The following MAN1C1 variants were observed in gnomAD, a reference collection of about 807,000 sequenced individuals.
The protein encoded by MAN1C1 is mannosyl-oligosaccharide 1,2-alpha-mannosidase IC.
MAN1C1 carries 49 observed loss-of-function variants against 71.5 expected under a neutral mutation model. That is an observed-to-expected ratio of 0.69 (90% CI 0.54 to 0.87). The LOEUF is 0.87. Ranked by LOEUF, MAN1C1 falls within the 40% of genes least tolerant of loss-of-function variation. The pLI is 0.00. For synonymous variants in MAN1C1, 352 were observed against 343.7 expected (o/e 1.02, Z -0.27); for missense variants, 743 against 835.0 (o/e 0.89, Z 1.36).
chr1:25,754,119 G>T (rs1193742205), intron 5 of MAN1C1, among the ~76,000 whole-genome samples: 1 of 152,118 alleles, frequency 6.6e-6, no homozygotes, highest in African/African-American at 2.4e-5. Flanking sequence ...CTGTCCCTGT[G>T]CTTCATGGAG....
At chr1:25,624,027 T>C (rs1180054748) in intron 1 of MAN1C1, among the ~76,000 whole-genome samples, 1 of 152,236 alleles carries the variant, frequency 6.6e-6, no homozygotes, top group East Asian at 1.9e-4. Flanking sequence ...CAATAAGCCC[T>C]GGTTCTTGAT....
chr1:25,712,952 T>G (rs954604375), intron 2 of MAN1C1, among the ~76,000 whole-genome samples: 13 of 152,244 alleles, frequency 8.5e-5, no homozygotes, highest in African/African-American at 3.1e-4. Flanking sequence ...GATATTGACT[T>G]GGGATTAAAC....
chr1:25,773,294 G>A (rs1166386529), intron 8 of MAN1C1, among the ~76,000 whole-genome samples: 1 of 152,180 alleles, frequency 6.6e-6, no homozygotes, highest in African/African-American at 2.4e-5. Context: ...GGTGTGGGCA[G>A]TTGGATGGAT....
In MAN1C1 at chr1:25,745,488, G is replaced by A. The variant is rs1263524239; in HGVS notation, c.638-1180G>A. On this transcript the variant is annotated intron_variant, in intron 2 of 11. Coordinates refer to ENST00000374332, the MANE Select transcript of MAN1C1 (RefSeq NM_020379.4). Reference sequence around the variant, plus strand: ...ACACTTACACTTTGATGTACAATAAGAATTATACTGTGTTTTTTTCTTATT... The same window carrying A: ...ACACTTACACTTTGATGTACAATAAAAATTATACTGTGTTTTTTTCTTATT... Among the ~76,000 whole-genome samples the A allele has an allele frequency of 2.6e-5, 4 of 151,996 alleles. No individual in the cohort carries two copies. In the East Asian group the frequency reaches 7.7e-4, roughly 29 times the overall value.
Position 25,618,014 on chromosome 1 carries a change from G to T in MAN1C1, c.217G>T (p.Ala73Ser). The change falls in exon 1 of 12, where the codon GCC becomes TCC. Residue 73 changes from alanine (A) to serine (S), a missense_variant. Ala to Ser is a moderately conservative substitution (Grantham distance 99). Coordinates refer to ENST00000374332, the MANE Select transcript of MAN1C1 (RefSeq NM_020379.4). Reference protein sequence around the residue: ...LEVVAEIAGHAPAREQEPPPN... With the variant: ...LEVVAEIAGHSPAREQEPPPN... ...AGTGGTGGCTGAAATCGCCGGCCAT[G>T]CCCCGGCCCGCGAGCAGGAGCCGCC... The T allele has an allele frequency of 1.2e-6, 2 of 1,600,284 alleles. No individual in the cohort carries two copies. Among genetic ancestry groups the T allele is most frequent in the Non-Finnish European group, 1.7e-6 (2 of 1,175,384 alleles).
At chr1:25,721,227 T>C (rs2046761626) in intron 2 of MAN1C1, among the ~76,000 whole-genome samples, 1 of 152,170 alleles carries the variant, frequency 6.6e-6, no homozygotes, top group South Asian at 2.1e-4. Flanking sequence ...CTTCAAGCAA[T>C]CCTTCATTCT....
intron 2 of MAN1C1, among the ~76,000 whole-genome samples, chr1:25,703,068 C>T (rs1480228570): frequency 1.3e-5 from 2 of 152,226 alleles, no homozygotes; most frequent in Non-Finnish European, 2.9e-5. Context: ...GGAGCTGGCC[C>T]AGGGATCTGC....
intron 2 of MAN1C1, among the ~76,000 whole-genome samples, chr1:25,696,862 G>A (rs994533608): frequency 9.9e-5 from 15 of 152,104 alleles, no homozygotes; most frequent in Non-Finnish European, 4.4e-5. Context: ...ACCCAGGCTG[G>A]TCTCAAACTC....
intron 4 of MAN1C1, among the ~76,000 whole-genome samples, chr1:25,752,612 C>T (rs888783513): frequency 3.9e-5 from 6 of 152,196 alleles, no homozygotes; most frequent in Non-Finnish European, 5.9e-5. Flanking sequence ...ACAACATTCT[C>T]GATTATTTAT....
At chr1:25,732,622 T>C (rs2046924523) in intron 2 of MAN1C1, among the ~76,000 whole-genome samples, 1 of 152,118 alleles carries the variant, frequency 6.6e-6, no homozygotes. Context: ...AAGGTGGAGG[T>C]CTTGCTCCCA....
intron 2 of MAN1C1, among the ~76,000 whole-genome samples, chr1:25,726,881 C>A (rs1257291771): frequency 6.8e-6 from 1 of 145,996 alleles, no homozygotes; most frequent in Non-Finnish European, 1.5e-5. Flanking sequence ...TACAGTGAGA[C>A]CTCATCTCTA....
chr1:25,758,829 C>T (rs2047324273), intron 6 of MAN1C1, 120 bp downstream of exon 6: 6 of 885,172 alleles, frequency 6.8e-6, no homozygotes, highest in East Asian at 2.4e-5. Context: ...GTGGGGAGCC[C>T]GGGAGCCCAA....
At chr1:25,755,775 C>T (rs78280108) in intron 5 of MAN1C1, among the ~76,000 whole-genome samples, 21,523 of 152,194 alleles carry the variant, frequency 0.14, 1,706 homozygotes, top group South Asian at 0.31. Flanking sequence ...CTAGAAGCTA[C>T]AGCCAGGGTG....
rs960269593 is a variant in MAN1C1 at position 25,634,590 on chromosome 1, TG to T, written c.540+16256del. On this transcript the variant is annotated intron_variant, in intron 1 of 11. Coordinates refer to ENST00000374332, the MANE Select transcript of MAN1C1 (RefSeq NM_020379.4). This position sits in a 1 kb window ranked among gnomAD's most constrained non-coding sequence, Gnocchi z 4.6. Reference sequence around the variant, plus strand: ...ATCCTAGCACTTTGAGAGGCTGAGGTGGGAGGATTGCCTGAGCTCAGCAGTT... The same window carrying T: ...ATCCTAGCACTTTGAGAGGCTGAGGTGGAGGATTGCCTGAGCTCAGCAGTT... Among the ~76,000 whole-genome samples the T allele has an allele frequency of 2.0e-5, 3 of 151,996 alleles. No homozygotes were observed. Among genetic ancestry groups the T allele is most frequent in the Non-Finnish European group, 2.9e-5 (2 of 67,998 alleles).
chr1:25,729,632 C>A (rs889529516), intron 2 of MAN1C1, among the ~76,000 whole-genome samples: 1 of 152,118 alleles, frequency 6.6e-6, no homozygotes, highest in East Asian at 1.9e-4. Context: ...CTGCCTCAGC[C>A]TCCCGAGTAG....
chr1:25,719,988 T>C (rs918144980), intron 2 of MAN1C1, among the ~76,000 whole-genome samples: 4 of 152,138 alleles, frequency 2.6e-5, no homozygotes, highest in Admixed American at 1.3e-4. Flanking sequence ...TTTGCCATGT[T>C]GGCCAGGCTG....
intron 1 of MAN1C1, among the ~76,000 whole-genome samples, chr1:25,671,706 A>G (rs1051820223): frequency 6.6e-4 from 101 of 152,326 alleles, no homozygotes; most frequent in African/African-American, 2.4e-3. Context: ...GAGGTAGTGT[A>G]TTAGTTTTAT....
chr1:25,660,757 C>A (rs3014713), intron 1 of MAN1C1, among the ~76,000 whole-genome samples: 221 of 151,836 alleles, frequency 1.5e-3, no homozygotes, highest in African/African-American at 5.0e-3. Flanking sequence ...GTGGTGCAGT[C>A]ATGGCTCACT....
intron 2 of MAN1C1, among the ~76,000 whole-genome samples, chr1:25,741,748 G>A (rs1296319231): frequency 6.6e-6 from 1 of 152,180 alleles, no homozygotes; most frequent in Non-Finnish European, 1.5e-5. Flanking sequence ...TGCATGCATG[G>A]CTTTGTGGGC....
Sources: allele counts gnomAD v4.1 joint callset (sites outside exome capture counted in the v4.1 genomes callset), GRCh38; gene constraint gnomAD v4.1.1; non-coding constraint Gnocchi (gnomAD v3.1); transcripts MANE v1.5; gene names NCBI Gene and HGNC (gene_info 2026-07-23, HGNC 2026-07-21).